The following ADARB2 variants were observed in gnomAD, a reference collection of about 807,000 sequenced individuals.
ADARB2 encodes the protein adenosine deaminase RNA specific B2 (inactive), also known as inactive double-stranded RNA-specific editase B2.
A neutral mutation model predicts 62.2 loss-of-function variants in ADARB2; 25 were observed. The observed-to-expected ratio is 0.40, with a 90% CI of 0.29 to 0.56. The LOEUF (loss-of-function observed/expected upper bound fraction) is 0.56, where lower values mean the gene tolerates loss of function less well. ADARB2 is among the 20% of genes least tolerant of loss of function. ADARB2 has a pLI of 0.43. For synonymous variants in ADARB2, 572 were observed against 500.8 expected, an observed-to-expected ratio of 1.14 and a Z score of -1.90; for missense variants, 1,071 against 1,077.4, an observed-to-expected ratio of 0.99 and a Z score of 0.08.
intron 8 of ADARB2, among the ~76,000 whole-genome samples, chr10:1,195,548 A>G (rs1023196345): frequency 6.6e-6 from 1 of 152,118 alleles, no homozygotes; most frequent in Admixed American, 6.5e-5. Context: ...TTCATGCCAG[A>G]GAAAGCTCAG....
Position 1,608,253 on chromosome 10 carries a change from C to T in ADARB2, c.100+128798G>A, listed in dbSNP as rs557818066. 3.9e-5 allele frequency among the ~76,000 whole-genome samples: 6 copies of T among 152,306 alleles called. No homozygotes were observed. In the East Asian group the frequency reaches 9.6e-4, roughly 24 times the overall value. ...TTGAGATGACCTTTTGCATTTGCCT[C>T]ACAGTTTATTTCCTGGATTTATGCT... is the stretch of plus-strand genomic sequence containing the variant. On this transcript the variant is annotated intron_variant, in intron 1 of 9. Coordinates refer to ENST00000381312, the MANE Select transcript of ADARB2 (RefSeq NM_018702.4).
intron 7 of ADARB2, among the ~76,000 whole-genome samples, chr10:1,202,125 T>C (rs913046135): frequency 1.3e-5 from 2 of 150,890 alleles, no homozygotes; most frequent in Admixed American, 6.6e-5. Context: ...TTTTTTTCAA[T>C]AGAGACATGG....
intron 1 of ADARB2, among the ~76,000 whole-genome samples, chr10:1,667,513 G>A (rs1834329228): frequency 6.6e-6 from 1 of 152,204 alleles, no homozygotes; most frequent in Admixed American, 6.5e-5. Flanking sequence ...TTTACAAACA[G>A]CAGTTGCTTA....
intron 1 of ADARB2, among the ~76,000 whole-genome samples, chr10:1,636,706 A>C (rs1279636333): frequency 6.0e-5 from 9 of 150,698 alleles, no homozygotes. Context: ...ATCTACATAT[A>C]TCAATATATA....
chr10:1,419,709 A>G (rs1295119329), intron 1 of ADARB2, among the ~76,000 whole-genome samples: 1 of 152,232 alleles, frequency 6.6e-6, no homozygotes, highest in African/African-American at 2.4e-5. Flanking sequence ...TATATCGTCC[A>G]AGGTTATTGC....
At chr10:1,290,226 GTCC>G (rs1243336550) in intron 3 of ADARB2, 1 of 151,888 alleles carries the variant, frequency 6.6e-6, no homozygotes, top group Non-Finnish European at 1.5e-5. Context: ...AGTGGATTCT[GTCC>G]TCTGCATGTT....
intron 1 of ADARB2, among the ~76,000 whole-genome samples, chr10:1,420,471 A>T (rs1832842386): frequency 1.3e-5 from 2 of 152,160 alleles, no homozygotes; most frequent in Admixed American, 6.5e-5. Context: ...GGATTTTATT[A>T]TAAGAGGTTT....
intron 1 of ADARB2, among the ~76,000 whole-genome samples, chr10:1,496,033 C>T (rs994118011): frequency 1.3e-5 from 2 of 151,770 alleles, no homozygotes; most frequent in African/African-American, 4.8e-5. Flanking sequence ...TTAGTATCAA[C>T]CTCATCACTG....
chr10:1,586,598 AG>A (rs1833184038), intron 1 of ADARB2, among the ~76,000 whole-genome samples: 1 of 152,100 alleles, frequency 6.6e-6, no homozygotes, highest in South Asian at 2.1e-4. Context: ...TTACTCAATC[AG>A]GTGATGGTTA....
chr10:1,389,953 A>C (rs1366341554), intron 1 of ADARB2, among the ~76,000 whole-genome samples: 1 of 152,148 alleles, frequency 6.6e-6, no homozygotes, highest in Non-Finnish European at 1.5e-5. Flanking sequence ...CTAGATATTT[A>C]ACCAAGATAA....
intron 3 of ADARB2, among the ~76,000 whole-genome samples, chr10:1,319,013 TAAAA>T (rs532605146): frequency 2.6e-5 from 4 of 152,184 alleles, no homozygotes; most frequent in Non-Finnish European, 4.4e-5. Context: ...CTGGAGATGA[TAAAA>T]AAAGATTCAA....
At position 1,363,069 on chromosome 10, in the gene ADARB2, C is replaced by G. The variant is rs1386040782; in HGVS notation, c.1036G>C (p.Gly346Arg). ...LQELFDIQMP[G>R]HAPGRARRTP... ...CTCCTGGCCCTGCCGGGCGCGTGGCCGGGCATCTGGATGTCGAACAGCTCC... is the reference window on the plus strand; with the variant it reads ...CTCCTGGCCCTGCCGGGCGCGTGGCGGGGCATCTGGATGTCGAACAGCTCC... Residue 346 changes from glycine to arginine, a missense_variant, in exon 3 of 10, where the codon GGC becomes CGC. Coordinates refer to ENST00000381312, the MANE Select transcript of ADARB2 (RefSeq NM_018702.4). The G allele has an allele frequency of 4.1e-6, 6 of 1,455,954 alleles. No homozygotes were observed. Among genetic ancestry groups the G allele is most frequent in the Non-Finnish European group, 5.4e-6 (6 of 1,107,244 alleles). The allele number at this position is 1,455,954 out of a possible 1,614,324, so 90.2% of individuals were successfully genotyped here.
intron 6 of ADARB2, among the ~76,000 whole-genome samples, chr10:1,232,276 A>G (rs1448923798): frequency 2.6e-5 from 4 of 152,094 alleles, no homozygotes; most frequent in African/African-American, 9.7e-5. Context: ...GTGTGGGAGC[A>G]TGTGAATGTG....
chr10:1,696,021 C>A (rs919316620), intron 1 of ADARB2, among the ~76,000 whole-genome samples: 1 of 151,888 alleles, frequency 6.6e-6, no homozygotes, highest in Non-Finnish European at 1.5e-5. Flanking sequence ...TGTATGCCTG[C>A]GTGTGTATGT....
intron 1 of ADARB2, among the ~76,000 whole-genome samples, chr10:1,536,447 C>T (rs1042035151): frequency 1.3e-5 from 2 of 152,200 alleles, no homozygotes; most frequent in African/African-American, 4.8e-5. Flanking sequence ...AGACACCTTC[C>T]TCCCAGCACA....
chr10:1,463,127 G>C (rs1269766473), intron 1 of ADARB2, among the ~76,000 whole-genome samples: 1 of 152,164 alleles, frequency 6.6e-6, no homozygotes, highest in Non-Finnish European at 1.5e-5. Flanking sequence ...CCATTGAGAA[G>C]GACGTGCTCT....
chr10:1,701,797 G>A (rs372070149), intron 1 of ADARB2, among the ~76,000 whole-genome samples: 222 of 100,574 alleles, frequency 2.2e-3, no homozygotes, highest in Middle Eastern at 0.016. Flanking sequence ...CCGGGAGACC[G>A]GGCACTCGCC....
At chr10:1,549,347 C>A (rs1299674948) in intron 1 of ADARB2, among the ~76,000 whole-genome samples, 1 of 152,172 alleles carries the variant, frequency 6.6e-6, no homozygotes, top group Non-Finnish European at 1.5e-5. Context: ...AGCAGGGACA[C>A]AAGGCGCTCT....
In ADARB2 at chr10:1,270,945, A is replaced by T. The variant is rs762814194; in HGVS notation, c.1192+10T>A. 1.8e-5 allele frequency: 29 copies of T among 1,611,856 alleles called. No homozygotes were observed. The highest frequency in any genetic ancestry group is 2.7e-5 in the African/African-American group (2 of 74,910). ...ATGAAAATGCCCACAGGAAAAGAGG[A>T]GGTGGCTACCTTTGGTCATGACGAT... On this transcript the variant is annotated intron_variant, in intron 4 of 9. Transcript: ENST00000381312.
Sources: gnomAD v4.1 joint callset for allele counts (sites outside exome capture counted in the v4.1 genomes callset) on GRCh38, gnomAD v4.1.1 for gene constraint, MANE v1.5 for transcripts, NCBI Gene and HGNC (gene_info 2026-07-23, HGNC 2026-07-21) for gene names.